PCYT1A: variants seen among roughly 807,000 people sequenced by gnomAD.
PCYT1A encodes the protein phosphate cytidylyltransferase 1A, choline, also known as choline-phosphate cytidylyltransferase A.
PCYT1A carries 25 observed loss-of-function variants against 43.7 expected under a neutral mutation model. The observed-to-expected ratio is 0.57, with a 90% CI of 0.42 to 0.80. The LOEUF (loss-of-function observed/expected upper bound fraction) is 0.80. PCYT1A is among the 30% of genes least tolerant of loss of function. The probability of loss-of-function intolerance (pLI) is 0.00; values close to 1 mark genes in which losing one functional copy is unlikely to be tolerated. For synonymous variants in PCYT1A, 172 were observed against 170.7 expected, an observed-to-expected ratio of 1.01 and a Z score of -0.06; for missense variants, 421 against 474.2, an observed-to-expected ratio of 0.89 and a Z score of 1.04.
chr3:196,247,281 A>T lies in PCYT1A; in HGVS notation c.486+86T>A. 2 of 1,355,448 alleles carry T rather than the reference A, an allele frequency of 1.5e-6. No individual in the cohort carries two copies. Among genetic ancestry groups the T allele is most frequent in the Non-Finnish European group, 2.1e-6 (2 of 958,942 alleles). The allele number at this position is 1,355,448 out of a possible 1,614,324, so 84.0% of individuals were successfully genotyped here. A position where few individuals can be genotyped will look rare whatever the true frequency, so the allele number is the denominator to read the frequency against. ...TAAGAGGTAGAAGTAAAACACGGCTAGTGGAAAACCAGCCTACGTGCCAGC... is the reference window on the plus strand; with the variant it reads ...TAAGAGGTAGAAGTAAAACACGGCTTGTGGAAAACCAGCCTACGTGCCAGC... On this transcript the variant is annotated intron_variant, in intron 5 of 8. Coordinates refer to ENST00000431016, the MANE Select transcript of PCYT1A (RefSeq NM_001312673.2). This position sits in a 1 kb window ranked among gnomAD's most constrained non-coding sequence, Gnocchi z 4.8.
In PCYT1A at chr3:196,257,801, G is replaced by T; in HGVS notation, c.204C>A (p.Ser68Arg). 2 of 1,596,240 alleles carry T rather than the reference G, an allele frequency of 1.3e-6. No individual in the cohort carries two copies. Among genetic ancestry groups the T allele is most frequent in the Non-Finnish European group, 1.7e-6 (2 of 1,164,022 alleles). The stretch of plus-strand genomic sequence containing the variant: ...GTATTTACTTACAAGGAGTTCCTCT[G>T]CTGGCTTCTTCCATAGTTACCCTGA... Reference protein sequence around the residue: ...PYVRVTMEEASRGTPCERPVR... With the variant: ...PYVRVTMEEARRGTPCERPVR... Residue 68 changes from serine to arginine, a missense_variant, in exon 3 of 9, where the codon AGC (serine) becomes AGA (arginine). Physicochemically the swap from Ser to Arg is moderately radical, Grantham distance 110. This residue lies in a region of PCYT1A where 139 missense variants were observed against 117.7 expected (regional missense o/e 1.18). Transcript: ENST00000431016.
chr3:196,241,131 TAAAAAAAAAAAAAA>T (rs1209954920), intron 7 of PCYT1A, among the ~76,000 whole-genome samples: 19 of 49,660 alleles, frequency 3.8e-4, no homozygotes, highest in African/African-American at 8.5e-4. Context: ...CCATCTCTGC[TAAAAAAAAAAAAAA>T]AAAAAAAAAA....
In PCYT1A at chr3:196,252,089, C is replaced by A. The variant is rs1027660247; in HGVS notation, c.218-3766G>T. On this transcript the variant is annotated intron_variant, in intron 3 of 8. Coordinates refer to ENST00000431016, the MANE Select transcript of PCYT1A (RefSeq NM_001312673.2). The surrounding 1 kb of genome is among the most constrained non-coding windows in gnomAD (Gnocchi z 4.0). ...ACGCCCCGCTGACTACAGCGCACCC[C>A]GCCACGCCCCGCAGACTACAGCGCA... Among the ~76,000 whole-genome samples, 1 of 151,114 alleles carries A rather than the reference C, an allele frequency of 6.6e-6. No individual in the cohort carries two copies. The highest frequency in any genetic ancestry group is 1.5e-5 in the Non-Finnish European group (1 of 67,598).
intron 3 of PCYT1A, among the ~76,000 whole-genome samples, chr3:196,250,902 C>T (rs529226535): frequency 2.2e-3 from 290 of 130,322 alleles, no homozygotes; most frequent in Admixed American, 3.0e-3. Context: ...AGGCTGAGGA[C>T]CAGATACACC....
rs561208355 is a variant in PCYT1A at position 196,281,246 on chromosome 3, C to T, written c.-11+6369G>A. 5.3e-5 allele frequency among the ~76,000 whole-genome samples: 8 copies of T among 152,340 alleles called. No individual in the cohort carries two copies. The South Asian group carries it at 1.7e-3, about 32-fold the overall frequency. On this transcript the variant is annotated intron_variant, in intron 1 of 8. Transcript: ENST00000431016. Reference sequence around the variant, plus strand: ...TGGAAACTCAAGGGTTAAAGTGCATCTAATATTCCTGGCATTCATTAATCC... The same window carrying T: ...TGGAAACTCAAGGGTTAAAGTGCATTTAATATTCCTGGCATTCATTAATCC...
In PCYT1A at chr3:196,238,867, G is replaced by C; in HGVS notation, c.925C>G (p.Arg309Gly). The change falls in exon 9 of 9, where the codon CGG (arginine) becomes GGG (glycine). Residue 309 changes from arginine to glycine, a missense_variant. Arg to Gly is a moderately radical substitution (Grantham distance 125). Coordinates refer to ENST00000431016, the MANE Select transcript of PCYT1A (RefSeq NM_001312673.2). ...LKHMLKEGKG[R>G]MLQAISPKQS... ...TTCGGGCTGATGGCCTGCAGCATCC[G>C]GCCCTTCCCCTCTTTCAGCATATGT... is the stretch of plus-strand genomic sequence containing the variant. 6.8e-7 allele frequency: 1 copy of C among 1,473,438 alleles called. No homozygotes were observed. Among genetic ancestry groups the C allele is most frequent in the Non-Finnish European group, 9.0e-7 (1 of 1,111,172 alleles). 91.3% of individuals were successfully genotyped at this position (1,473,438 alleles called of 1,614,324 possible). A position where few individuals can be genotyped will look rare whatever the true frequency, so the allele number is the denominator to read the frequency against.
Position 196,248,245 on chromosome 3 carries a change from G to A in PCYT1A, c.296C>T (p.Ala99Val), listed in dbSNP as rs587777189. The change falls in exon 4 of 9, where the codon GCG (alanine) becomes GTG (valine). Residue 99 changes from alanine (A) to valine (V), a missense_variant. Physicochemically the swap from Ala to Val is moderately conservative, Grantham distance 64 (BLOSUM62 0). Transcript: ENST00000431016. ...HSGHARALMQ[A>V]KNLFPNTYLI... ...GTACGTATTAGGGAAAAGGTTCTTC[G>A]CTTGCATCAGAGCTCGGGCGTGACC... 1.3e-5 allele frequency: 21 copies of A among 1,612,204 alleles called. No individual in the cohort carries two copies. Among genetic ancestry groups the A allele is most frequent in the East Asian group, 2.2e-5 (1 of 44,896 alleles).
chr3:196,267,367 T>G (rs1560173848), intron 2 of PCYT1A: 1 of 454,676 alleles, frequency 2.2e-6, no homozygotes, highest in Non-Finnish European at 4.4e-6. Context: ...CTGGAGAGAC[T>G]GGGGGGAAAT....
intron 3 of PCYT1A, among the ~76,000 whole-genome samples, 194 bp from the exon 4 acceptor site, chr3:196,248,517 G>A (rs1484308603): frequency 2.0e-5 from 3 of 151,864 alleles, no homozygotes; most frequent in Admixed American, 6.6e-5. Flanking sequence ...GATTACAGGT[G>A]CATGTCATCA....
chr3:196,248,395 C>T (rs1302371513), intron 3 of PCYT1A, 72 bp from the exon 4 acceptor site: 15 of 905,460 alleles, frequency 1.7e-5, no homozygotes, highest in East Asian at 1.3e-4. Context: ...TTTTTGAGGC[C>T]GAGTCTCACT....
chr3:196,267,866 C>G (rs1489762568), intron 2 of PCYT1A, among the ~76,000 whole-genome samples: 1 of 152,116 alleles, frequency 6.6e-6, no homozygotes, highest in Non-Finnish European at 1.5e-5. Context: ...GTCTTGCTTG[C>G]TTTTGTTATA....
chr3:196,261,211 A>G (rs1725099279), intron 2 of PCYT1A, among the ~76,000 whole-genome samples: 1 of 152,200 alleles, frequency 6.6e-6, no homozygotes, highest in Non-Finnish European at 1.5e-5. Context: ...GCTAATGAAT[A>G]CAGGGGGTTT....
At position 196,242,188 on chromosome 3, in the gene PCYT1A, TC is replaced by T; in HGVS notation, c.566-99del. 1.6e-6 allele frequency: 2 copies of T among 1,214,518 alleles called. No homozygotes were observed. The highest frequency in any genetic ancestry group is 2.4e-6 in the Non-Finnish European group (2 of 836,454). The allele number at this position is 1,214,518 out of a possible 1,614,324, so 75.2% of individuals were successfully genotyped here. A position where few individuals can be genotyped will look rare whatever the true frequency, so the allele number is the denominator to read the frequency against. ...TGGGGGCAACATTCCTTTCCTTTCC[TC>T]AAAAAGCAGAATCTGTTATTACTAA... On this transcript the variant is annotated intron_variant, in intron 6 of 8. Coordinates refer to ENST00000431016, the MANE Select transcript of PCYT1A (RefSeq NM_001312673.2). The surrounding 1 kb of genome is among the most constrained non-coding windows in gnomAD (Gnocchi z 4.2).
Position 196,282,337 on chromosome 3 carries a change from A to G in PCYT1A, c.-11+5278T>C, listed in dbSNP as rs1178104827. Among the ~76,000 whole-genome samples, 1 of 152,222 alleles carries G rather than the reference A, an allele frequency of 6.6e-6. No homozygotes were observed. The highest frequency in any genetic ancestry group is 2.4e-5 in the African/African-American group (1 of 41,464). ...AACAATTTTACTCTGCCACTATTCT[A>G]CCAGAATATTTGGTGAGTAAACTCT... On this transcript the variant is annotated intron_variant, in intron 1 of 8. Coordinates refer to ENST00000431016, the MANE Select transcript of PCYT1A (RefSeq NM_001312673.2). This position sits in a 1 kb window ranked among gnomAD's most constrained non-coding sequence, Gnocchi z 4.3.
intron 8 of PCYT1A, 32 bp downstream of exon 8, chr3:196,239,515 C>G: frequency 7.1e-7 from 1 of 1,401,908 alleles, no homozygotes; most frequent in Non-Finnish European, 1.0e-6. Context: ...CAACATGGAA[C>G]TCCCTACATT....
rs1377297106 is a variant in PCYT1A at position 196,282,685 on chromosome 3, G to A, written c.-11+4930C>T. Among the ~76,000 whole-genome samples, 1 of 151,794 alleles carries A rather than the reference G, an allele frequency of 6.6e-6. No homozygotes were observed. The highest frequency in any genetic ancestry group is 1.5e-5 in the Non-Finnish European group (1 of 67,972). On this transcript the variant is annotated intron_variant, in intron 1 of 8. Transcript: ENST00000431016. The surrounding 1 kb of genome is among the most constrained non-coding windows in gnomAD (Gnocchi z 4.3). ...TGCATATAAAAACATATTCCAAAAAGGAACTCTAAAAGCTTTCACCACACT... is the reference window on the plus strand; with the variant it reads ...TGCATATAAAAACATATTCCAAAAAAGAACTCTAAAAGCTTTCACCACACT...
chr3:196,269,966 C>T (rs989783982), intron 2 of PCYT1A, among the ~76,000 whole-genome samples: 6 of 152,248 alleles, frequency 3.9e-5, no homozygotes, highest in East Asian at 1.9e-4. Context: ...CTCCGCCTCC[C>T]GAGTTCAAGC....
chr3:196,276,598 G>A (rs568593532), intron 1 of PCYT1A, among the ~76,000 whole-genome samples: 11 of 147,804 alleles, frequency 7.4e-5, no homozygotes, highest in East Asian at 6.0e-4. Context: ...GTGAGACTCC[G>A]TCTCAAAAAA....
intron 1 of PCYT1A, among the ~76,000 whole-genome samples, chr3:196,285,353 G>A (rs1725880204): frequency 6.6e-6 from 1 of 152,188 alleles, no homozygotes; most frequent in Non-Finnish European, 1.5e-5. Flanking sequence ...CAGCTATTCA[G>A]GAGGCTGAGG....
Sources: gnomAD v4.1 joint callset for allele counts (sites outside exome capture counted in the v4.1 genomes callset) on GRCh38, gnomAD v4.1.1 for gene constraint, gnomAD v4.1.1 regional missense constraint, Gnocchi (gnomAD v3.1) non-coding constraint, MANE v1.5 for transcripts, NCBI Gene and HGNC (gene_info 2026-07-23, HGNC 2026-07-21) for gene names.